The following LCP2 variants were observed in gnomAD, a reference collection of about 807,000 sequenced individuals.
The protein encoded by LCP2 is 76 kDa tyrosine phosphoprotein.
In LCP2, 29 loss-of-function variants were observed where a neutral mutation model predicts 74.5. That is an observed-to-expected ratio of 0.39 (90% CI 0.29 to 0.53). The LOEUF (loss-of-function observed/expected upper bound fraction) is 0.53. Among genes scored for constraint, LCP2 ranks in the 20% least tolerant of loss-of-function variants. The pLI is 0.72. For missense variants in LCP2, 604 were observed against 634.6 expected (o/e 0.95, Z 0.52); for synonymous variants, 228 against 229.5 (o/e 0.99, Z 0.06).
rs1761673241 is a variant in LCP2 at position 170,262,533 on chromosome 5, C to T, written c.926+102G>A. ...ACAGCAAGAAAAGGCCCACCCTGCC[C>T]GGGAGCACCGAGGAGCCTCGGTTCC... is the stretch of plus-strand genomic sequence containing the variant. On this transcript the variant is annotated intron_variant, in intron 13 of 20. Transcript: ENST00000046794. The T allele has an allele frequency of 2.4e-5, 19 of 801,552 alleles. 1 individual carries two copies. The highest frequency in any genetic ancestry group is 3.7e-4 in the Middle Eastern group (1 of 2,694). 49.7% of individuals were successfully genotyped at this position (801,552 alleles called of 1,614,324 possible).
At chr5:170,269,369 C>T (rs315749) in intron 7 of LCP2, among the ~76,000 whole-genome samples, 73,979 of 152,030 alleles carry the variant, frequency 0.49, 18,465 homozygotes, top group East Asian at 0.82. Context: ...CTCTCTTGCC[C>T]GACTCTAGTC....
At chr5:170,260,490 C>T (rs935311668) in intron 14 of LCP2, among the ~76,000 whole-genome samples, 14 of 152,336 alleles carry the variant, frequency 9.2e-5, no homozygotes, top group African/African-American at 3.4e-4. Flanking sequence ...TTCTGAGCCT[C>T]AATTTCCTCT....
chr5:170,274,433 C>T, intron 5 of LCP2, 95 bp from the exon 6 acceptor site: 1 of 1,281,142 alleles, frequency 7.8e-7, no homozygotes, highest in South Asian at 1.3e-5. Context: ...CTTCCCTCAC[C>T]AATGCCCCTT....
Position 170,267,094 on chromosome 5 carries a change from G to C in LCP2, c.622-19C>G, listed in dbSNP as rs765498917. 3 of 1,612,868 alleles carry C rather than the reference G, an allele frequency of 1.9e-6. No homozygotes were observed. In the African/African-American group the frequency reaches 4.0e-5, roughly 22 times the overall value. On this transcript the variant is annotated intron_variant, in intron 8 of 20. Coordinates refer to ENST00000046794, the MANE Select transcript of LCP2 (RefSeq NM_005565.5). ...GCAGTGGCTGCATAAAGATCCAAAC[G>C]TTAGGAAGCACTTCCAATACATCAG...
intron 13 of LCP2, 115 bp from the exon 14 acceptor site, chr5:170,261,252 G>A (rs1761645062): frequency 1.3e-6 from 1 of 743,654 alleles, no homozygotes; most frequent in African/African-American, 1.7e-5. Flanking sequence ...CTGAGCCTAG[G>A]GAAGATGGGA....
intron 3 of LCP2, among the ~76,000 whole-genome samples, chr5:170,281,197 C>G (rs2113199629): frequency 6.6e-6 from 1 of 152,188 alleles, no homozygotes; most frequent in East Asian, 1.9e-4. Flanking sequence ...GAGCTGGGTC[C>G]CTGGACGGCA....
intron 20 of LCP2, 114 bp from the exon 21 acceptor site, chr5:170,248,933 G>A: frequency 2.8e-6 from 3 of 1,060,410 alleles, no homozygotes; most frequent in Non-Finnish European, 4.1e-6. Flanking sequence ...TGAGGATTGT[G>A]GGGGGAAAAA....
chr5:170,259,437 C>T (rs1358914929), intron 14 of LCP2, among the ~76,000 whole-genome samples: 2 of 152,082 alleles, frequency 1.3e-5, no homozygotes, highest in African/African-American at 4.8e-5. Flanking sequence ...CATCTACAAC[C>T]CTCACCATTT....
intron 2 of LCP2, 54 bp downstream of exon 2, chr5:170,293,256 G>T: frequency 6.5e-7 from 1 of 1,550,124 alleles, no homozygotes; most frequent in East Asian, 2.3e-5. Context: ...TGCAGCCATG[G>T]GGAAAAGTGC....
intron 5 of LCP2, 113 bp from the exon 6 acceptor site, chr5:170,274,451 C>T: frequency 9.7e-7 from 1 of 1,033,606 alleles, no homozygotes. Flanking sequence ...CTTCCCTGGC[C>T]TCCACCTACC....
In LCP2 at chr5:170,287,950, A is replaced by T. The variant is rs1762212385; in HGVS notation, c.188+20T>A. On this transcript the variant is annotated intron_variant, in intron 3 of 20. Coordinates refer to ENST00000046794, the MANE Select transcript of LCP2 (RefSeq NM_005565.5). ...CCACCTCTGCTCCCAGATCACCCATAGAGTTGGAGGAGTACTTACGGCACC... is the reference window on the plus strand; with the variant it reads ...CCACCTCTGCTCCCAGATCACCCATTGAGTTGGAGGAGTACTTACGGCACC... 1.2e-6 allele frequency: 2 copies of T among 1,609,130 alleles called. No individual in the cohort carries two copies. The highest frequency in any genetic ancestry group is 1.7e-6 in the Non-Finnish European group (2 of 1,175,674).
At position 170,267,021 on chromosome 5, in the gene LCP2, T is replaced by G; in HGVS notation, c.676A>C (p.Lys226Gln). The change falls in exon 9 of 21, where the codon AAA becomes CAA. Residue 226 changes from lysine (K) to glutamine (Q), a missense_variant. By Grantham distance (53) the Lys-to-Gln change is moderately conservative. Transcript: ENST00000046794. ...HEEPSRSRNH[K>Q]TAKLPAPSID... ...CCCTTGTACTCACGCTTTGCCGTTT[T>G]GTGGTTTCTGCTTCTGCTGGGTTCT... The G allele has an allele frequency of 6.2e-7, 1 of 1,613,982 alleles. No individual in the cohort carries two copies. Among genetic ancestry groups the G allele is most frequent in the Non-Finnish European group, 8.5e-7 (1 of 1,179,888 alleles).
chr5:170,289,617 T>TTTTCTTTCTTTCTTTC (rs70979169), intron 2 of LCP2, among the ~76,000 whole-genome samples: 49 of 122,224 alleles, frequency 4.0e-4, no homozygotes, highest in East Asian at 1.9e-3. Context: ...CTTTCTTTCT[T>TTTTCTTTCTTTCTTTC]TTTCTTTCTT....
At chr5:170,275,750 T>C in intron 4 of LCP2, 45 bp downstream of exon 4, 1 of 1,496,164 alleles carries the variant, frequency 6.7e-7, no homozygotes, top group Non-Finnish European at 9.1e-7. Context: ...AAGGTTCAAC[T>C]CGGGACTGAA....
intron 10 of LCP2, among the ~76,000 whole-genome samples, chr5:170,266,399 T>C (rs1195118474): frequency 1.3e-5 from 2 of 152,196 alleles, no homozygotes; most frequent in Non-Finnish European, 2.9e-5. Flanking sequence ...AGCTATTAAG[T>C]AGCAGGCAAG....
At chr5:170,249,333 A>G (rs996295997) in intron 20 of LCP2, among the ~76,000 whole-genome samples, 4 of 149,630 alleles carry the variant, frequency 2.7e-5, no homozygotes, top group Non-Finnish European at 5.9e-5. Flanking sequence ...CATCTCAAAA[A>G]AAAATAGATA....
chr5:170,266,381 G>C (rs994722587), intron 10 of LCP2, among the ~76,000 whole-genome samples: 1 of 152,156 alleles, frequency 6.6e-6, no homozygotes, highest in Admixed American at 6.5e-5. Flanking sequence ...ACATCCCTGT[G>C]GTCTGTGAGC....
intron 17 of LCP2, among the ~76,000 whole-genome samples, chr5:170,254,805 C>T (rs973408955): frequency 6.6e-6 from 1 of 152,140 alleles, no homozygotes; most frequent in Non-Finnish European, 1.5e-5. Context: ...ATTGCAGTCA[C>T]CTACCACCCT....
In LCP2 at chr5:170,246,241, C is replaced by T. The variant is rs909688411; in HGVS notation, c.*2456G>A. ...ATAATGTAAACAAGCAGTTCATGTTCTTGAAGGCTGTTTAATGTTTTGAAG... is the reference window on the plus strand; with the variant it reads ...ATAATGTAAACAAGCAGTTCATGTTTTTGAAGGCTGTTTAATGTTTTGAAG... On this transcript the variant is annotated 3_prime_UTR_variant, in exon 21 of 21. Transcript: ENST00000046794. The T allele has an allele frequency of 6.5e-6, 5 of 764,158 alleles. No individual in the cohort carries two copies. In the South Asian group the frequency reaches 1.2e-4, roughly 18 times the overall value. 47.3% of individuals were successfully genotyped at this position (764,158 alleles called of 1,614,324 possible). A position where few individuals can be genotyped will look rare whatever the true frequency, so the allele number is the denominator to read the frequency against.
Sources: allele counts gnomAD v4.1 joint callset (sites outside exome capture counted in the v4.1 genomes callset), GRCh38; gene constraint gnomAD v4.1.1; transcripts MANE v1.5; gene names NCBI Gene and HGNC (gene_info 2026-07-23, HGNC 2026-07-21).